The following CERKL variants were observed in gnomAD, a reference collection of about 807,000 sequenced individuals.
CERKL encodes the protein CERK like autophagy regulator, also known as ceramide kinase-like protein.
A neutral mutation model predicts 63.4 loss-of-function variants in CERKL; 61 were observed. That is an observed-to-expected ratio of 0.96 (90% confidence interval 0.78 to 1.19). The LOEUF (loss-of-function observed/expected upper bound fraction) is 1.19. Ranked by LOEUF, CERKL falls within the 50% of genes most tolerant of loss-of-function variation. The probability of loss-of-function intolerance (pLI) is 0.00; values close to 1 mark genes in which losing one functional copy is unlikely to be tolerated. For synonymous variants in CERKL, 250 were observed against 230.5 expected, an observed-to-expected ratio of 1.08 and a Z score of -0.77; for missense variants, 675 against 655.5, an observed-to-expected ratio of 1.03 and a Z score of -0.33.
intron 4 of CERKL, among the ~76,000 whole-genome samples, chr2:181,559,303 T>C (rs570406071): frequency 6.6e-6 from 1 of 152,316 alleles, no homozygotes; most frequent in South Asian, 2.1e-4. Context: ...GTACTACTAG[T>C]ATATTTTTTA....
intron 1 of CERKL, among the ~76,000 whole-genome samples, chr2:181,617,615 T>C (rs980706459): frequency 6.6e-6 from 1 of 152,156 alleles, no homozygotes; most frequent in African/African-American, 2.4e-5. Flanking sequence ...AAATATATTA[T>C]AATAAAAATT....
intron 1 of CERKL, among the ~76,000 whole-genome samples, chr2:181,641,153 T>C (rs930651267): frequency 6.6e-6 from 1 of 152,028 alleles, no homozygotes; most frequent in Non-Finnish European, 1.5e-5. Context: ...GTTCAAACAA[T>C]GTATCACAAT....
At chr2:181,643,181 A>G (rs1464079045) in intron 1 of CERKL, among the ~76,000 whole-genome samples, 1 of 152,250 alleles carries the variant, frequency 6.6e-6, no homozygotes, top group Non-Finnish European at 1.5e-5. Context: ...CCTAAAGGCC[A>G]TAGAAATAGG....
At chr2:181,615,171 GTTGT>G (rs1449905428) in intron 1 of CERKL, among the ~76,000 whole-genome samples, 1 of 152,038 alleles carries the variant, frequency 6.6e-6, no homozygotes, top group East Asian at 1.9e-4. Context: ...ACTTCCTATT[GTTGT>G]ATTTTTTTGG....
Position 181,604,092 on chromosome 2 carries a change from T to C in CERKL, c.239-13A>G. 6.4e-7 allele frequency: 1 copy of C among 1,574,024 alleles called. No individual in the cohort carries two copies. Among genetic ancestry groups the C allele is most frequent in the Non-Finnish European group, 8.7e-7 (1 of 1,148,568 alleles). ...TACTTAGAATCACCTGAAAAAAAAA[T>C]AAATTTTCCAATTAAAACCATTGTG... On this transcript the variant is annotated splice_polypyrimidine_tract_variant and intron_variant, in intron 1 of 12. Transcript: ENST00000410087.
At chr2:181,606,630 G>A (rs559899591) in intron 1 of CERKL, among the ~76,000 whole-genome samples, 1 of 151,418 alleles carries the variant, frequency 6.6e-6, no homozygotes, top group Non-Finnish European at 1.5e-5. Context: ...TGTGGTCATG[G>A]GATAGGGTAA....
chr2:181,564,604 C>T (rs2105830532), intron 4 of CERKL, among the ~76,000 whole-genome samples: 1 of 152,138 alleles, frequency 6.6e-6, no homozygotes, highest in Non-Finnish European at 1.5e-5. Context: ...TCCCTTTACC[C>T]AGTACAAATA....
At chr2:181,622,939 G>C (rs144196217) in intron 1 of CERKL, among the ~76,000 whole-genome samples, 27 of 152,282 alleles carry the variant, frequency 1.8e-4, no homozygotes, top group African/African-American at 5.3e-4. Context: ...AATAATTCCT[G>C]CTCATGCCTA....
At chr2:181,598,442 G>A (rs542623097) in intron 2 of CERKL, among the ~76,000 whole-genome samples, 2 of 152,150 alleles carry the variant, frequency 1.3e-5, no homozygotes, top group African/African-American at 4.8e-5. Flanking sequence ...AGGAGCTAGT[G>A]CACCTCCCCC....
chr2:181,599,388 T>A (rs1172572252), intron 2 of CERKL, among the ~76,000 whole-genome samples: 1 of 151,466 alleles, frequency 6.6e-6, no homozygotes, highest in East Asian at 2.0e-4. Context: ...AATACAAAAA[T>A]TAGTCGGGGG....
intron 1 of CERKL, among the ~76,000 whole-genome samples, chr2:181,647,442 C>T (rs1687717429): frequency 6.6e-6 from 1 of 152,152 alleles, no homozygotes; most frequent in South Asian, 2.1e-4. Flanking sequence ...ACATGCCTGT[C>T]CCTAGCAAAA....
chr2:181,596,084 A>G (rs572424503), intron 2 of CERKL, among the ~76,000 whole-genome samples: 1 of 152,348 alleles, frequency 6.6e-6, no homozygotes, highest in South Asian at 2.1e-4. Context: ...ATATAATCAC[A>G]TAAGATCTGA....
intron 3 of CERKL, among the ~76,000 whole-genome samples, chr2:181,569,886 A>T (rs1229796639): frequency 1.3e-5 from 2 of 152,174 alleles, no homozygotes; most frequent in Non-Finnish European, 2.9e-5. Flanking sequence ...GGCGAATGTC[A>T]GCTGACAAGT....
chr2:181,643,912 A>G (rs936048308), intron 1 of CERKL, among the ~76,000 whole-genome samples: 4 of 152,218 alleles, frequency 2.6e-5, no homozygotes, highest in African/African-American at 9.6e-5. Flanking sequence ...GGAGGCACAA[A>G]AAAATGCCTG....
chr2:181,621,567 T>C (rs954807065), intron 1 of CERKL, among the ~76,000 whole-genome samples: 47 of 152,324 alleles, frequency 3.1e-4, no homozygotes, highest in African/African-American at 1.1e-3. Flanking sequence ...GTCTCCACTT[T>C]ATAATAGTTT....
intron 1 of CERKL, among the ~76,000 whole-genome samples, chr2:181,633,916 A>T (rs2105488829): frequency 6.6e-6 from 1 of 152,302 alleles, no homozygotes; most frequent in East Asian, 1.9e-4. Flanking sequence ...CCAAGGATAC[A>T]CCACAACTAC....
intron 1 of CERKL, chr2:181,617,176 A>T (rs558023301): frequency 6.6e-6 from 1 of 152,336 alleles, no homozygotes; most frequent in Non-Finnish European, 1.5e-5. Context: ...AAGCAATAAC[A>T]CTTATTTTTA....
chr2:181,539,296 G>T (rs376542893), intron 11 of CERKL, 32 bp from the exon 12 acceptor site: 1 of 1,406,346 alleles, frequency 7.1e-7, no homozygotes, highest in Non-Finnish European at 1.0e-6. Context: ...CATTATACTT[G>T]GTTTATCTCT....
chr2:181,554,596 T>C (rs1201910463), intron 5 of CERKL, among the ~76,000 whole-genome samples: 14 of 152,116 alleles, frequency 9.2e-5, no homozygotes, highest in Admixed American at 9.2e-4. Context: ...TCAGTATAGT[T>C]CCTTAGCACC....
Sources: gnomAD v4.1 joint callset for allele counts (sites outside exome capture counted in the v4.1 genomes callset) on GRCh38, gnomAD v4.1.1 for gene constraint, MANE v1.5 for transcripts, NCBI Gene and HGNC (gene_info 2026-07-23, HGNC 2026-07-21) for gene names.